GREB1L: variants seen among roughly 807,000 people sequenced by gnomAD.
The protein encoded by GREB1L is GREB1 like retinoic acid receptor coactivator, also known as GREB1-like protein.
In GREB1L, 17 loss-of-function variants were observed where a neutral mutation model predicts 200.8. The observed-to-expected ratio is 0.08, with a 90% CI of 0.06 to 0.13. The LOEUF (loss-of-function observed/expected upper bound fraction) is 0.13, where lower values mean the gene tolerates loss of function less well. Among genes scored for constraint, GREB1L ranks in the 10% least tolerant of loss-of-function variants. The pLI, the probability that GREB1L is intolerant of heterozygous loss-of-function variation, is 1.00. For synonymous variants in GREB1L, 789 were observed against 893.0 expected (o/e 0.88, Z 2.08); for missense variants, 1,657 against 2,367.7 (o/e 0.70, Z 6.23).
At chr18:21,305,335 A>G (rs2038683056) in intron 1 of GREB1L, among the ~76,000 whole-genome samples, 1 of 152,174 alleles carries the variant, frequency 6.6e-6, no homozygotes, top group South Asian at 2.1e-4. Flanking sequence ...ATCACTATGT[A>G]AAGTTCTTAT....
chr18:21,242,483 C>T (rs1206545291), intron 1 of GREB1L, 90 bp downstream of exon 1: 1 of 152,350 alleles, frequency 6.6e-6, no homozygotes, highest in Non-Finnish European at 1.5e-5. Flanking sequence ...GCAGGAGCTG[C>T]CCTTTGGCGG....
chr18:21,295,353 T>C (rs1598637120), intron 1 of GREB1L, among the ~76,000 whole-genome samples: 1 of 152,256 alleles, frequency 6.6e-6, no homozygotes, highest in East Asian at 1.9e-4. Context: ...ACTTCTTTTT[T>C]TTCTTTTTAC....
chr18:21,308,990 G>A (rs998644322), intron 1 of GREB1L, among the ~76,000 whole-genome samples: 23 of 152,142 alleles, frequency 1.5e-4, no homozygotes, highest in African/African-American at 5.3e-4. Flanking sequence ...TTGTGCCTTC[G>A]TCTCTTTGGG....
intron 1 of GREB1L, among the ~76,000 whole-genome samples, chr18:21,344,848 A>G (rs1435453126): frequency 6.6e-6 from 1 of 152,218 alleles, no homozygotes; most frequent in Non-Finnish European, 1.5e-5. Context: ...TGAGTTGGTG[A>G]TCGCTACTGG....
intron 15 of GREB1L, chr18:21,455,142 AT>A (rs1459497514): frequency 2.6e-5 from 4 of 153,050 alleles, no homozygotes; most frequent in African/African-American, 9.7e-5. Context: ...AAAAAAAAAA[AT>A]GTTACAAGTC....
intron 1 of GREB1L, among the ~76,000 whole-genome samples, chr18:21,346,817 TTCTC>T (rs2039353011): frequency 6.6e-6 from 1 of 152,118 alleles, no homozygotes; most frequent in Admixed American, 6.6e-5. Flanking sequence ...TCCATCCTTG[TTCTC>T]TCTCTCTTCT....
chr18:21,367,772 A>T (rs564199655), intron 2 of GREB1L, among the ~76,000 whole-genome samples: 1 of 152,320 alleles, frequency 6.6e-6, no homozygotes, highest in South Asian at 2.1e-4. Flanking sequence ...GAAGAAAATC[A>T]GTGTCAGAGT....
chr18:21,453,582 G>A (rs747102820), intron 14 of GREB1L, among the ~76,000 whole-genome samples: 5 of 152,116 alleles, frequency 3.3e-5, no homozygotes, highest in Non-Finnish European at 7.4e-5. Context: ...AAGATTGATC[G>A]CTTGATTATA....
chr18:21,320,256 C>G (rs991655775), intron 1 of GREB1L, among the ~76,000 whole-genome samples: 5 of 152,074 alleles, frequency 3.3e-5, no homozygotes, highest in Non-Finnish European at 5.9e-5. Flanking sequence ...TACTAACACC[C>G]ACTAACAAGA....
chr18:21,329,969 TGG>T (rs34186385), intron 1 of GREB1L, among the ~76,000 whole-genome samples: 1,803 of 129,222 alleles, frequency 0.014, 38 homozygotes, highest in African/African-American at 0.043. Context: ...GTTTTTTTTT[TGG>T]GGGGGGGGGG....
chr18:21,480,386 A>G (rs547658929), intron 17 of GREB1L, among the ~76,000 whole-genome samples: 15 of 152,136 alleles, frequency 9.9e-5, no homozygotes, highest in Non-Finnish European at 1.9e-4. Flanking sequence ...CTTATCTTAG[A>G]TATATCTAGT....
intron 23 of GREB1L, among the ~76,000 whole-genome samples, chr18:21,502,737 C>A (rs2036850193): frequency 6.6e-6 from 1 of 152,168 alleles, no homozygotes. Flanking sequence ...AGAGCTGAGC[C>A]AGAAGGGCAA....
intron 1 of GREB1L, among the ~76,000 whole-genome samples, chr18:21,323,615 G>T (rs2038981894): frequency 6.6e-6 from 1 of 152,130 alleles, no homozygotes. Flanking sequence ...CATAGTACCT[G>T]TGGCTACTCC....
intron 4 of GREB1L, among the ~76,000 whole-genome samples, chr18:21,386,027 T>G (rs1218824970): frequency 6.6e-6 from 1 of 152,168 alleles, no homozygotes; most frequent in South Asian, 2.1e-4. Flanking sequence ...TTTCTTAAAC[T>G]TTAAAACATG....
chr18:21,336,213 G>A (rs1053156296), intron 1 of GREB1L, among the ~76,000 whole-genome samples: 3 of 152,174 alleles, frequency 2.0e-5, no homozygotes, highest in Non-Finnish European at 2.9e-5. Flanking sequence ...CATTCCCTGA[G>A]TAGTATGGAA....
chr18:21,288,330 A>G (rs957189010), intron 1 of GREB1L, among the ~76,000 whole-genome samples: 2 of 152,116 alleles, frequency 1.3e-5, no homozygotes, highest in Non-Finnish European at 2.9e-5. Context: ...GGAGGGAGCT[A>G]TGCTGGTCCC....
At chr18:21,295,200 G>A (rs1050571007) in intron 1 of GREB1L, among the ~76,000 whole-genome samples, 2 of 152,096 alleles carry the variant, frequency 1.3e-5, no homozygotes, top group Admixed American at 1.3e-4. Context: ...CAGTTAAATT[G>A]GAGGACCCAG....
In GREB1L at chr18:21,477,334, A is replaced by C. The variant is rs1247335009; in HGVS notation, c.2534A>C (p.His845Pro). 5 of 1,550,902 alleles carry C rather than the reference A, an allele frequency of 3.2e-6. No individual in the cohort carries two copies. The Admixed American group carries it at 9.8e-5, about 30-fold the overall frequency. Reference sequence around the variant, plus strand: ...CGCATTAGCTCTAGCAATGAGGTTCACTGGATACAGCTGGATACTGGGGTG... The same window carrying C: ...CGCATTAGCTCTAGCAATGAGGTTCCCTGGATACAGCTGGATACTGGGGTG... Reference protein sequence around the residue: ...QSRISSSNEVHWIQLDTGEDV... With the variant: ...QSRISSSNEVPWIQLDTGEDV... Residue 845 changes from histidine (H) to proline (P), a missense_variant, in exon 17 of 33, where the codon CAC becomes CCC. By Grantham distance (77) the His-to-Pro change is moderately conservative. Transcript: ENST00000424526.
At chr18:21,288,382 A>C (rs2038392744) in intron 1 of GREB1L, among the ~76,000 whole-genome samples, 1 of 152,146 alleles carries the variant, frequency 6.6e-6, no homozygotes, top group Admixed American at 6.6e-5. Context: ...GCAGGGCTGT[A>C]GCCAGATTAC....
Sources: allele counts gnomAD v4.1 joint callset (sites outside exome capture counted in the v4.1 genomes callset), GRCh38; gene constraint gnomAD v4.1.1; transcripts MANE v1.5; gene names NCBI Gene and HGNC (gene_info 2026-07-23, HGNC 2026-07-21).